MCCC1: variants seen among roughly 807,000 people sequenced by gnomAD.
MCCC1 encodes the protein methylcrotonoyl-CoA carboxylase subunit alpha, mitochondrial.
Under a neutral mutation model 83.8 loss-of-function variants are expected in MCCC1, and 64 were observed. The observed-to-expected ratio is 0.76, with a 90% CI of 0.62 to 0.94. The LOEUF is 0.94. Ranked by LOEUF, MCCC1 falls within the 40% of genes least tolerant of loss-of-function variation. MCCC1 has a pLI of 0.00. For synonymous variants in MCCC1, 322 were observed against 315.4 expected (o/e 1.02, Z -0.22); for missense variants, 807 against 904.7 (o/e 0.89, Z 1.39).
At chr3:183,110,494 C>T (rs1233614780) in intron 1 of MCCC1, among the ~76,000 whole-genome samples, 2 of 151,406 alleles carry the variant, frequency 1.3e-5, no homozygotes, top group African/African-American at 2.4e-5. Flanking sequence ...CCCAGGTTCA[C>T]GCCATTCTCC....
At chr3:183,083,587 C>G (rs543481305) in intron 4 of MCCC1, among the ~76,000 whole-genome samples, 1 of 151,906 alleles carries the variant, frequency 6.6e-6, no homozygotes, top group Non-Finnish European at 1.5e-5. Flanking sequence ...AGTATTATTC[C>G]TTTCTCATTG....
chr3:183,036,698 C>T (rs1577264979), intron 13 of MCCC1, among the ~76,000 whole-genome samples: 1 of 152,042 alleles, frequency 6.6e-6, no homozygotes, highest in Admixed American at 6.5e-5. Context: ...TGCCACCACA[C>T]CCAGCTTATT....
Position 183,064,443 on chromosome 3 carries a change from G to A in MCCC1, c.761+6556C>T, listed in dbSNP as rs1252321737. 1.3e-5 allele frequency among the ~76,000 whole-genome samples: 2 copies of A among 152,168 alleles called. No homozygotes were observed. The highest frequency in any genetic ancestry group is 6.5e-5 in the Admixed American group (1 of 15,282). ...CCCTTCCTGGCTTCCCTCGCTCCAG[G>A]AGACGCTTGGTGGGCACCCAGGAAG... On this transcript the variant is annotated intron_variant, in intron 7 of 18. Transcript: ENST00000265594. This position sits in a 1 kb window ranked among gnomAD's most constrained non-coding sequence, Gnocchi z 4.5.
intron 1 of MCCC1, among the ~76,000 whole-genome samples, chr3:183,106,831 TTCTC>T (rs947527596): frequency 3.9e-5 from 6 of 151,954 alleles, no homozygotes; most frequent in Admixed American, 3.3e-4. Flanking sequence ...TGCTTTATCT[TTCTC>T]TCTCTCCCTC....
intron 4 of MCCC1, among the ~76,000 whole-genome samples, chr3:183,081,983 C>T (rs1249235203): frequency 6.6e-6 from 1 of 152,162 alleles, no homozygotes; most frequent in Non-Finnish European, 1.5e-5. Context: ...TGGCAGGAAC[C>T]ACAGAGCCAG....
upstream of MCCC1, among the ~76,000 whole-genome samples, chr3:183,103,743 C>T (rs1406017619): frequency 1.3e-5 from 2 of 152,246 alleles, no homozygotes; most frequent in African/African-American, 2.4e-5. Context: ...GCGCCGTGCG[C>T]CCGCACTCCT....
chr3:183,025,128 G>T (rs1208855957), intron 15 of MCCC1, among the ~76,000 whole-genome samples: 1 of 152,188 alleles, frequency 6.6e-6, no homozygotes, highest in Non-Finnish European at 1.5e-5. Context: ...TAGAATCGTG[G>T]TTCTCAGGGG....
In MCCC1 at chr3:183,068,283, G is replaced by A. The variant is rs115457254; in HGVS notation, c.761+2716C>T. ...GGTCAGCAAAAGATACAGGTCATAC[G>A]GACCTTGCAGATAAAACAGGTTGCA... On this transcript the variant is annotated intron_variant, in intron 7 of 18. Transcript: ENST00000265594. Among the ~76,000 whole-genome samples the A allele has an allele frequency of 3.8e-3, 586 of 152,258 alleles. 1 individual carries two copies. Among genetic ancestry groups the A allele is most frequent in the African/African-American group, 0.013 (557 of 41,526 alleles).
At chr3:183,057,161 G>A (rs1180441737) in intron 8 of MCCC1, 150 bp downstream of exon 8, 1 of 688,690 alleles carries the variant, frequency 1.5e-6, no homozygotes, top group African/African-American at 1.8e-5. Context: ...AATACCACAG[G>A]AGGTCTTTTC....
intron 4 of MCCC1, among the ~76,000 whole-genome samples, chr3:183,079,393 G>C (rs972669934): frequency 1.3e-5 from 2 of 152,122 alleles, no homozygotes; most frequent in Non-Finnish European, 2.9e-5. Flanking sequence ...AGGGCTACAG[G>C]CTCCATGCAA....
At position 183,052,228 on chromosome 3, in the gene MCCC1, A is replaced by C. The variant is rs1715033166; in HGVS notation, c.886T>G (p.Ser296Ala). ...TCTCCCAGCTTTTTTCTTACTTCAG[A>C]TTTAATACCAGGCTATGAAAAAAAT... ...IEEAPAPGIK[S>A]EVRKKLGEAA... The change falls in exon 9 of 19, where the codon TCT becomes GCT. Residue 296 changes from serine (S) to alanine (A), a missense_variant. Transcript: ENST00000265594. 11 of 1,613,938 alleles carry C rather than the reference A, an allele frequency of 6.8e-6. No individual in the cohort carries two copies. The highest frequency in any genetic ancestry group is 9.3e-6 in the Non-Finnish European group (11 of 1,179,912).
chr3:183,111,160 C>T (rs1172488580), intron 1 of MCCC1, among the ~76,000 whole-genome samples: 1 of 152,190 alleles, frequency 6.6e-6, no homozygotes, highest in African/African-American at 2.4e-5. Context: ...GGACAGGATA[C>T]ACAGCATGGT....
chr3:183,115,110 C>T (rs770812272), intron 1 of MCCC1, among the ~76,000 whole-genome samples: 5 of 152,236 alleles, frequency 3.3e-5, no homozygotes, highest in Admixed American at 6.5e-5. Flanking sequence ...CCAGGGATGC[C>T]GGCACCCCTC....
intron 4 of MCCC1, among the ~76,000 whole-genome samples, chr3:183,075,774 G>A (rs1000344703): frequency 3.3e-5 from 5 of 151,870 alleles, no homozygotes; most frequent in Admixed American, 1.3e-4. Context: ...TCTCCTGACC[G>A]TGTGATCTGC....
intron 4 of MCCC1, among the ~76,000 whole-genome samples, chr3:183,081,648 C>T (rs1169432137): frequency 6.6e-6 from 1 of 152,226 alleles, no homozygotes; most frequent in East Asian, 1.9e-4. Context: ...TCCAGACCTG[C>T]ATGACTCAGC....
intron 4 of MCCC1, among the ~76,000 whole-genome samples, chr3:183,077,221 C>T (rs573154319): frequency 8.5e-5 from 13 of 152,086 alleles, no homozygotes; most frequent in East Asian, 3.9e-4. Context: ...AATTTCTGTG[C>T]GGATGTGTTT....
At chr3:183,016,894 C>A (rs62293193) in intron 18 of MCCC1, among the ~76,000 whole-genome samples, 106 of 152,314 alleles carry the variant, frequency 7.0e-4, no homozygotes, top group South Asian at 2.9e-3. Context: ...GGCCTTAGAA[C>A]CAAGATAATA....
rs1345111200 is a variant in MCCC1 at position 183,039,047 on chromosome 3, C to T, written c.1356G>A (p.Arg452=). The T allele has an allele frequency of 6.2e-7, 1 of 1,614,152 alleles. No homozygotes were observed. Among genetic ancestry groups the T allele is most frequent in the East Asian group, 2.2e-5 (1 of 44,882 alleles). ...TCACATTGTACTGACGAAGGCTGTA[C>T]CTCAGTTTTGTCAATGCCGCCTGGC... is the stretch of plus-strand genomic sequence containing the variant. ...ADRQAALTKL[R]YSLRQYNIVG... Residue 452 remains arginine (R), a synonymous_variant, in exon 12 of 19, where the codon AGG becomes AGA. Transcript: ENST00000265594.
chr3:183,080,926 A>C (rs930653416), intron 4 of MCCC1, among the ~76,000 whole-genome samples: 1 of 152,208 alleles, frequency 6.6e-6, no homozygotes, highest in Non-Finnish European at 1.5e-5. Context: ...AGAACAGCAC[A>C]GTAAAGACCC....
Sources: allele counts gnomAD v4.1 joint callset (sites outside exome capture counted in the v4.1 genomes callset), GRCh38; gene constraint gnomAD v4.1.1; non-coding constraint Gnocchi (gnomAD v3.1); transcripts MANE v1.5; gene names NCBI Gene and HGNC (gene_info 2026-07-23, HGNC 2026-07-21).